The following LRRC18 variants were observed in gnomAD, a reference collection of about 807,000 sequenced individuals.
LRRC18 encodes the protein leucine-rich repeat-containing protein 18.
In LRRC18, 12 loss-of-function variants were observed where a neutral mutation model predicts 11.2. The ratio of observed to expected loss-of-function variants is 1.07; its 90% CI spans 0.69 to 1.74. The LOEUF (loss-of-function observed/expected upper bound fraction) is 1.74. Among genes scored for constraint, LRRC18 ranks in the 40% most tolerant of loss-of-function variants. The probability of loss-of-function intolerance (pLI) is 0.00; values close to 1 mark genes in which losing one functional copy is unlikely to be tolerated. For missense variants in LRRC18, 374 were observed against 330.5 expected, an observed-to-expected ratio of 1.13 and a Z score of -1.02; for synonymous variants, 155 against 130.6, an observed-to-expected ratio of 1.19 and a Z score of -1.27.
the LRRC18 span, among the ~76,000 whole-genome samples, chr10:48,936,793 G>A: frequency 0.029 from 4,279 of 147,966 alleles, 93 homozygotes; most frequent in Non-Finnish European, 0.048. Context: ...AGCCGAGATC[G>A]CGCCACTGCA....
chr10:48,929,352 G>A, the LRRC18 span, among the ~76,000 whole-genome samples: 2 of 152,220 alleles, frequency 1.3e-5, no homozygotes, highest in Non-Finnish European at 2.9e-5. Context: ...GGGTTGCACT[G>A]GGCTGGTCTC....
chr10:48,919,951 TAAGA>T, the LRRC18 span, among the ~76,000 whole-genome samples: 3 of 152,116 alleles, frequency 2.0e-5, no homozygotes, highest in Non-Finnish European at 4.4e-5. Flanking sequence ...CAAAGACATA[TAAGA>T]AAGAGATCTT....
intron 1 of LRRC18, 39 bp downstream of exon 3, chr10:48,913,353 T>C: frequency 6.3e-7 from 1 of 1,582,704 alleles, no homozygotes; most frequent in South Asian, 1.1e-5. Flanking sequence ...TCCCTCCCTC[T>C]CTCTTTCCCT....
chr10:48,927,968 A>C, the LRRC18 span, among the ~76,000 whole-genome samples: 17 of 152,312 alleles, frequency 1.1e-4, no homozygotes, highest in East Asian at 2.9e-3. Context: ...AAACACACAA[A>C]CCAACCTCAA....
At chr10:48,936,300 T>G in the LRRC18 span, among the ~76,000 whole-genome samples, 1 of 152,178 alleles carries the variant, frequency 6.6e-6, no homozygotes, top group East Asian at 1.9e-4. Context: ...AATACATAAT[T>G]TAATGTAGAC....
chr10:48,923,889 G>A, the LRRC18 span, among the ~76,000 whole-genome samples: 5 of 152,316 alleles, frequency 3.3e-5, no homozygotes, highest in East Asian at 9.7e-4. Context: ...TGGACAGGAA[G>A]GGGTGCTTCC....
upstream of LRRC18, among the ~76,000 whole-genome samples, chr10:48,916,954 G>A (rs1234244516): frequency 6.6e-6 from 1 of 151,510 alleles, no homozygotes; most frequent in Non-Finnish European, 1.5e-5. Flanking sequence ...ATGACAGATT[G>A]CATATATGAC....
chr10:48,913,642 G>A (rs774315331), exon 1 of LRRC18: 1 of 1,613,918 alleles, frequency 6.2e-7, no homozygotes, highest in Middle Eastern at 1.6e-4. Context: ...TTTATGTTGA[G>A]CTTTTTCAGC....
At chr10:48,915,054 T>G (rs1163980052), upstream of LRRC18, among the ~76,000 whole-genome samples, 2 of 152,188 alleles carry the variant, frequency 1.3e-5, no homozygotes, top group African/African-American at 4.8e-5. Context: ...TCTGCATGCT[T>G]GGCTTAGAAG....
the LRRC18 span, among the ~76,000 whole-genome samples, chr10:48,929,456 C>T: frequency 0.026 from 3,940 of 152,166 alleles, 94 homozygotes; most frequent in African/African-American, 0.053. Flanking sequence ...GGAAATAGCC[C>T]AGCATGGGAG....
chr10:48,936,995 C>T, the LRRC18 span, among the ~76,000 whole-genome samples: 1 of 151,936 alleles, frequency 6.6e-6, no homozygotes, highest in Non-Finnish European at 1.5e-5. Context: ...CCTCGGCTCA[C>T]TGCAAACTTC....
upstream of LRRC18, among the ~76,000 whole-genome samples, chr10:48,919,180 A>T (rs912133976): frequency 3.3e-5 from 5 of 152,236 alleles, no homozygotes; most frequent in East Asian, 5.8e-4. Flanking sequence ...ACAATTTAAA[A>T]AAAAAAGAAA....
At chr10:48,927,419 G>C in the LRRC18 span, among the ~76,000 whole-genome samples, 44 of 152,318 alleles carry the variant, frequency 2.9e-4, no homozygotes, top group African/African-American at 1.0e-3. Flanking sequence ...GGCTCACACA[G>C]CTGCCTTATT....
Position 48,914,186 on chromosome 10 carries a change from A to T in LRRC18, c.-31T>A, listed in dbSNP as rs79003434. The T allele has an allele frequency of 1.2e-5, 19 of 1,589,802 alleles. No individual in the cohort carries two copies. In the East Asian group the frequency reaches 4.3e-4, roughly 36 times the overall value. On this transcript the variant is annotated 5_prime_UTR_variant, in exon 1 of 2. Transcript: ENST00000374160. ...TTTAGTAAGGGAGTGTTAGAAGTTT[A>T]TTGTTCTGATTGGATAGTGATCAGT...
chr10:48,913,412 C>T, exon 1 of LRRC18: 1 of 1,612,444 alleles, frequency 6.2e-7, no homozygotes, highest in Non-Finnish European at 8.5e-7. Context: ...CCCAGGAGTC[C>T]TTGGCCATGG....
chr10:48,918,935 T>G (rs1428521689), upstream of LRRC18, among the ~76,000 whole-genome samples: 1 of 152,202 alleles, frequency 6.6e-6, no homozygotes, highest in East Asian at 1.9e-4. Flanking sequence ...AGATGAGAAC[T>G]GCTAGTATAG....
chr10:48,932,978 G>A, the LRRC18 span, among the ~76,000 whole-genome samples: 511 of 152,266 alleles, frequency 3.4e-3, 1 homozygote, highest in Non-Finnish European at 6.1e-3. Context: ...GTGCTCATGG[G>A]TAGGGGACAA....
intron 1 of LRRC18, 147 bp downstream of exon 3, chr10:48,913,245 G>A (rs1464264594): frequency 1.3e-5 from 10 of 756,236 alleles, no homozygotes; most frequent in Admixed American, 7.0e-5. Context: ...ATCACACGCC[G>A]AGAAAGTAAG....
Position 48,912,521 on chromosome 10 carries a change from A to G in LRRC18, c.764+871T>C, listed in dbSNP as rs190006372. Reference sequence around the variant, plus strand: ...ACGACTGGGATCTCCTGAATGCCTCAGACAGTGGTGCTCTGCCCCATCTCA... The same window carrying G: ...ACGACTGGGATCTCCTGAATGCCTCGGACAGTGGTGCTCTGCCCCATCTCA... On this transcript the variant is annotated intron_variant, in intron 1 of 1. Transcript: ENST00000374160. 3.1e-3 allele frequency among the ~76,000 whole-genome samples: 473 copies of G among 152,332 alleles called. 3 individuals are homozygous for G. The highest frequency in any genetic ancestry group is 0.011 in the African/African-American group (440 of 41,570).
Sources: allele counts gnomAD v4.1 joint callset (sites outside exome capture counted in the v4.1 genomes callset), GRCh38; gene constraint gnomAD v4.1.1; transcripts MANE v1.5; gene names NCBI Gene and HGNC (gene_info 2026-07-23, HGNC 2026-07-21).